The following ZAN variants were observed in gnomAD, a reference collection of about 807,000 sequenced individuals.
ZAN encodes the protein zonadhesin.
A neutral mutation model predicts 286.2 loss-of-function variants in ZAN; 260 were observed. The ratio of observed to expected loss-of-function variants is 0.91; its 90% confidence interval spans 0.82 to 1.01. The LOEUF (loss-of-function observed/expected upper bound fraction) is 1.01, where lower values mean the gene tolerates loss of function less well. ZAN is among the 50% of genes least tolerant of loss of function. ZAN has a pLI of 0.00. For missense variants in ZAN, 3,410 were observed against 3,639.2 expected, an observed-to-expected ratio of 0.94 and a Z score of 1.62; for synonymous variants, 1,368 against 1,417.5, an observed-to-expected ratio of 0.97 and a Z score of 0.79.
chr7:100,746,763 GATGGGGAAAC>G, intron 8 of ZAN, 61 bp downstream of exon 8: 2 of 1,575,364 alleles, frequency 1.3e-6, no homozygotes, highest in South Asian at 2.3e-5. Flanking sequence ...GGGTTGGCTT[GATGGGGAAAC>G]ATGGGGCATC....
chr7:100,743,211 GAT>G (rs1032573081), intron 7 of ZAN, among the ~76,000 whole-genome samples: 64 of 152,010 alleles, frequency 4.2e-4, no homozygotes, highest in South Asian at 4.2e-4. Context: ...TTTTAGTAGA[GAT>G]GGGGTTTCAC....
At chr7:100,742,888 AGG>A (rs1807908352) in intron 7 of ZAN, among the ~76,000 whole-genome samples, 1 of 4,098 alleles carries the variant, frequency 2.4e-4, no homozygotes, top group Admixed American at 2.7e-3. Flanking sequence ...AGGGAGGGGG[AGG>A]GGGACGGGGA....
Position 100,747,573 on chromosome 7 carries a change from T to C in ZAN, c.955T>C (p.Phe319Leu). Residue 319 changes from phenylalanine to leucine, a missense_variant, in exon 9 of 48, where the codon TTC (phenylalanine) becomes CTC (leucine). Phe to Leu is a conservative substitution (Grantham distance 22). Around this residue, in one of 7 missense-constraint regions of ZAN, gnomAD observed 872 missense variants for 938.9 expected, o/e 0.93. Transcript: ENST00000613979. ...VLGSIRKHTL[F>L]SGQPGPNWQA... is the part of the protein sequence containing the mutation. ...AGGGAGTATCCGGAAACACACTCTC[T>C]TCTCAGGACAACCTGGGCCCAACTG... 2 of 1,613,870 alleles carry C rather than the reference T, an allele frequency of 1.2e-6. No homozygotes were observed. The highest frequency in any genetic ancestry group is 2.2e-5 in the East Asian group (1 of 44,862).
chr7:100,765,244 T>G, intron 22 of ZAN, 108 bp from the exon 23 acceptor site: 5 of 1,234,522 alleles, frequency 4.1e-6, no homozygotes, highest in Non-Finnish European at 5.7e-6. Flanking sequence ...CTTCTCGAGA[T>G]TGGCCAGAAG....
chr7:100,771,199 TA>T (rs1464896264), intron 28 of ZAN, among the ~76,000 whole-genome samples: 1 of 152,114 alleles, frequency 6.6e-6, no homozygotes, highest in Non-Finnish European at 1.5e-5. Context: ...TTTGCCCTCC[TA>T]AAGTGCTGAG....
At chr7:100,754,824 C>T (rs1035385750) in intron 14 of ZAN, among the ~76,000 whole-genome samples, 3 of 151,948 alleles carry the variant, frequency 2.0e-5, no homozygotes, top group Non-Finnish European at 4.4e-5. Context: ...CCACTGTGCC[C>T]GGCTCTAGGG....
Position 100,737,108 on chromosome 7 carries a change from T to TC in ZAN, c.525+29dup, listed in dbSNP as rs763965387. On this transcript the variant is annotated intron_variant, in intron 5 of 47. Transcript: ENST00000613979. ...AAGGCCGGGGACAAATTGTGGGACCTCGGGGGGGAGTCTGGGTGTTGGAGA... is the reference window on the plus strand; with the variant it reads ...AAGGCCGGGGACAAATTGTGGGACCTCCGGGGGGGAGTCTGGGTGTTGGAGA... The TC allele has an allele frequency of 7.8e-5, 115 of 1,477,030 alleles. 11 individuals carry two copies. The African/African-American group carries it at 1.5e-3, about 19-fold the overall frequency. The allele number at this position is 1,477,030 out of a possible 1,614,324, so 91.5% of individuals were successfully genotyped here.
In ZAN at chr7:100,794,033, C is replaced by G. The variant is rs1160351491; in HGVS notation, c.7986+15C>G. 1 of 1,612,458 alleles carries G rather than the reference C, an allele frequency of 6.2e-7. No homozygotes were observed. The highest frequency in any genetic ancestry group is 8.5e-7 in the Non-Finnish European group (1 of 1,179,286). On this transcript the variant is annotated intron_variant, in intron 43 of 47. Transcript: ENST00000613979. Reference sequence around the variant, plus strand: ...TCTACTACCAGGTCTGAGCTGGCAGCAGGAGGCCCTGGGGAGCAGAGGCGC... The same window carrying G: ...TCTACTACCAGGTCTGAGCTGGCAGGAGGAGGCCCTGGGGAGCAGAGGCGC...
chr7:100,776,260 G>A (rs1810776061), intron 33 of ZAN, among the ~76,000 whole-genome samples, 180 bp from the exon 34 acceptor site: 1 of 144,438 alleles, frequency 6.9e-6, no homozygotes, highest in African/African-American at 2.5e-5. Flanking sequence ...GGATAGTGAA[G>A]TGAGCTGAGA....
At chr7:100,778,674 A>G (rs1339988855) in intron 34 of ZAN, among the ~76,000 whole-genome samples, 1 of 152,020 alleles carries the variant, frequency 6.6e-6, no homozygotes, top group East Asian at 1.9e-4. Flanking sequence ...CCCTGTGAAC[A>G]CCAGAAGGGT....
Position 100,797,347 on chromosome 7 carries a change from T to C in ZAN, c.8267-19T>C, listed in dbSNP as rs1389760685. 1.2e-6 allele frequency: 2 copies of C among 1,612,812 alleles called. No homozygotes were observed. The highest frequency in any genetic ancestry group is 1.7e-6 in the Non-Finnish European group (2 of 1,179,088). On this transcript the variant is annotated intron_variant, in intron 45 of 47. Coordinates refer to ENST00000613979, the MANE Select transcript of ZAN (RefSeq NM_003386.3). ...CCCGTCTCACGTTCGACCTAATGTC[T>C]CTTCCCCGCACCCAGAAGCATCTAA...
At position 100,766,539 on chromosome 7, in the gene ZAN, G is replaced by C. The variant is rs1372201424; in HGVS notation, c.4485G>C (p.Trp1495Cys). Residue 1495 changes from tryptophan (W) to cysteine (C), a missense_variant, in exon 24 of 48, where the codon TGG becomes TGC. Coordinates refer to ENST00000613979, the MANE Select transcript of ZAN (RefSeq NM_003386.3). ...AGSYFKVGER[W>C]YKPGCKELCV... Reference sequence around the variant, plus strand: ...GTCTTCCCCAGGTAGGGGAGCGGTGGTACAAGCCAGGCTGCAAAGAGTTGT... The same window carrying C: ...GTCTTCCCCAGGTAGGGGAGCGGTGCTACAAGCCAGGCTGCAAAGAGTTGT... 1.3e-6 allele frequency: 2 copies of C among 1,551,290 alleles called. No homozygotes were observed. Among genetic ancestry groups the C allele is most frequent in the Middle Eastern group, 1.7e-4 (1 of 5,990 alleles).
chr7:100,749,634 C>T (rs1254849197), intron 11 of ZAN, among the ~76,000 whole-genome samples: 1 of 109,658 alleles, frequency 9.1e-6, no homozygotes, highest in East Asian at 2.4e-4. Context: ...AGTGAGACTC[C>T]GTCTCAAAAA....
At chr7:100,751,107 T>A (rs1808630875) in intron 12 of ZAN, 75 bp from the exon 13 acceptor site, 1 of 1,384,180 alleles carries the variant, frequency 7.2e-7, no homozygotes, top group African/African-American at 1.4e-5. Context: ...ACAGATTCTA[T>A]GCCCAGTGGA....
intron 19 of ZAN, among the ~76,000 whole-genome samples, chr7:100,761,370 T>C (rs940246663): frequency 6.6e-6 from 1 of 152,028 alleles, no homozygotes; most frequent in Non-Finnish European, 1.5e-5. Flanking sequence ...CCAGGCGTAG[T>C]GGCCTGCACC....
chr7:100,754,421 C>T (rs1013605985), intron 14 of ZAN, among the ~76,000 whole-genome samples: 7 of 151,598 alleles, frequency 4.6e-5, no homozygotes, highest in Non-Finnish European at 5.9e-5. Context: ...ATCATGCCAC[C>T]GCACTCCAGC....
chr7:100,754,762 G>A (rs1809026087), intron 14 of ZAN, among the ~76,000 whole-genome samples: 1 of 151,742 alleles, frequency 6.6e-6, no homozygotes, highest in South Asian at 2.1e-4. Flanking sequence ...GTGTAATCCT[G>A]TAATTACGCC....
At chr7:100,736,721 C>G in intron 4 of ZAN, 88 bp from the exon 5 acceptor site, 1 of 1,470,074 alleles carries the variant, frequency 6.8e-7, no homozygotes, top group Non-Finnish European at 9.2e-7. Flanking sequence ...GCAGCCAGAC[C>G]TGGATGCCTG....
At position 100,752,653 on chromosome 7, in the gene ZAN, C is replaced by T. The variant is rs755707830; in HGVS notation, c.2548C>T (p.Pro850Ser). The stretch of plus-strand genomic sequence containing the variant: ...AAAACTCACCATCCCCATGGAAAAA[C>T]CCACCATCTCCACAGAAAAACCCAC... ...TEKLTIPMEK[P>S]TISTEKPTIP... The change falls in exon 14 of 48, where the codon CCC becomes TCC. Residue 850 changes from proline to serine, a missense_variant. By Grantham distance (74) the Pro-to-Ser change is moderately conservative. Around this residue, in one of 7 missense-constraint regions of ZAN, gnomAD observed 90 missense variants for 87.1 expected, o/e 1.03. Transcript: ENST00000613979. The T allele has an allele frequency of 1.2e-6, 2 of 1,611,894 alleles. No homozygotes were observed. The highest frequency in any genetic ancestry group is 2.2e-5 in the South Asian group (2 of 90,956).
Sources: allele counts gnomAD v4.1 joint callset (sites outside exome capture counted in the v4.1 genomes callset), GRCh38; gene constraint gnomAD v4.1.1; regional missense constraint gnomAD v4.1.1; transcripts MANE v1.5; gene names NCBI Gene and HGNC (gene_info 2026-07-23, HGNC 2026-07-21).